The following TYW1B variants were observed in gnomAD, a reference collection of about 807,000 sequenced individuals.
TYW1B encodes the protein tRNA-yW synthesizing protein 1 homolog B, also known as S-adenosyl-L-methionine-dependent tRNA 4-demethylwyosine synthase TYW1B.
Under a neutral mutation model 86.9 loss-of-function variants are expected in TYW1B, and 73 were observed. That is an observed-to-expected ratio of 0.84 (90% confidence interval 0.70 to 1.02). TYW1B has a LOEUF of 1.02. Among genes scored for constraint, TYW1B ranks in the 50% least tolerant of loss-of-function variants. The pLI, the probability that TYW1B is intolerant of heterozygous loss-of-function variation, is 0.00. For synonymous variants in TYW1B, 248 were observed against 292.8 expected (o/e 0.85, Z 1.56); for missense variants, 637 against 827.4 (o/e 0.77, Z 2.82).
intron 2 of TYW1B, among the ~76,000 whole-genome samples, chr7:72,825,796 T>C (rs1788919858): frequency 1.3e-5 from 2 of 152,312 alleles, no homozygotes; most frequent in South Asian, 4.1e-4. Context: ...GCATCGATAA[T>C]GGACTCACAA....
chr7:72,773,519 T>C (rs553826442), intron 7 of TYW1B, among the ~76,000 whole-genome samples: 6 of 152,234 alleles, frequency 3.9e-5, no homozygotes, highest in South Asian at 2.1e-4. Flanking sequence ...CAGTGGACTC[T>C]TGAGTTTGGA....
chr7:72,735,098 C>CTA (rs1179812737), intron 8 of TYW1B, among the ~76,000 whole-genome samples: 1 of 152,286 alleles, frequency 6.6e-6, no homozygotes, highest in African/African-American at 2.4e-5. Context: ...AACCCCACTA[C>CTA]TGAATATACA....
chr7:72,674,753 TTCTC>T (rs1176744474), intron 11 of TYW1B, among the ~76,000 whole-genome samples: 3 of 110,918 alleles, frequency 2.7e-5, no homozygotes, highest in East Asian at 4.5e-4. Flanking sequence ...AATTTTCCTT[TTCTC>T]TCTTTTTTTT....
chr7:72,648,512 C>T (rs1812986194), intron 11 of TYW1B, among the ~76,000 whole-genome samples: 1 of 148,870 alleles, frequency 6.7e-6, no homozygotes, highest in Non-Finnish European at 1.5e-5. Context: ...CACTGTACTC[C>T]AGCCTGAGCG....
At chr7:72,612,257 C>T (rs1554436053) in intron 13 of TYW1B, among the ~76,000 whole-genome samples, 1 of 152,062 alleles carries the variant, frequency 6.6e-6, no homozygotes, top group Non-Finnish European at 1.5e-5. Context: ...GGTTTAAAAT[C>T]AGTACAGTAA....
intron 11 of TYW1B, among the ~76,000 whole-genome samples, chr7:72,677,994 A>G (rs1305667354): frequency 6.6e-6 from 1 of 151,994 alleles, no homozygotes; most frequent in African/African-American, 2.4e-5. Context: ...GAGCCACCGC[A>G]CCCAGCACCT....
At chr7:72,628,388 G>A (rs1812405257) in intron 12 of TYW1B, among the ~76,000 whole-genome samples, 1 of 152,158 alleles carries the variant, frequency 6.6e-6, no homozygotes, top group Non-Finnish European at 1.5e-5. Context: ...AATTTTGGTG[G>A]TTTGCTTTAA....
chr7:72,640,004 A>G (rs1554441308), intron 11 of TYW1B, among the ~76,000 whole-genome samples: 1 of 152,214 alleles, frequency 6.6e-6, no homozygotes, highest in Admixed American at 6.5e-5. Flanking sequence ...TTATAAAATG[A>G]TATAAACGTT....
At chr7:72,642,416 T>C (rs1563042650) in intron 11 of TYW1B, among the ~76,000 whole-genome samples, 1 of 152,232 alleles carries the variant, frequency 6.6e-6, no homozygotes, top group Non-Finnish European at 1.5e-5. Context: ...ATAGAATTAC[T>C]ATATGACCCA....
intron 7 of TYW1B, among the ~76,000 whole-genome samples, chr7:72,750,763 T>G (rs1039706563): frequency 6.6e-6 from 1 of 152,190 alleles, no homozygotes; most frequent in Non-Finnish European, 1.5e-5. Flanking sequence ...GGACCAGTAG[T>G]GTTTCAGATT....
chr7:72,799,559 A>T (rs1183552353), intron 6 of TYW1B, among the ~76,000 whole-genome samples: 2 of 144,680 alleles, frequency 1.4e-5, no homozygotes, highest in Non-Finnish European at 3.0e-5. Context: ...TCTGCCTCCC[A>T]GGTTCACGCC....
chr7:72,650,377 T>C (rs1474936745), intron 11 of TYW1B, among the ~76,000 whole-genome samples: 1 of 152,020 alleles, frequency 6.6e-6, no homozygotes, highest in Non-Finnish European at 1.5e-5. Flanking sequence ...TGCCTGGGGG[T>C]ACAGCACTCT....
At chr7:72,623,392 C>T (rs1438891900) in intron 12 of TYW1B, among the ~76,000 whole-genome samples, 13 of 152,054 alleles carry the variant, frequency 8.5e-5, no homozygotes, top group African/African-American at 1.9e-4. Context: ...TACCATAATA[C>T]TAAATTTGAA....
At chr7:72,761,323 AAC>A (rs1787681803) in intron 7 of TYW1B, among the ~76,000 whole-genome samples, 1 of 152,282 alleles carries the variant, frequency 6.6e-6, no homozygotes, top group Admixed American at 6.5e-5. Context: ...AAAGGTTACG[AAC>A]AGTTAAAAAT....
chr7:72,631,159 TA>T lies in TYW1B; in HGVS notation c.1507-2163del, dbSNP rs557139689. The stretch of plus-strand genomic sequence containing the variant: ...AGTTAATTAAACACATCCTTAACAT[TA>T]AAAAAAAAAAAATCCACAACATTCT... On this transcript the variant is annotated intron_variant, in intron 11 of 13. Transcript: ENST00000620995. 7.4e-3 allele frequency among the ~76,000 whole-genome samples: 1,058 copies of T among 143,038 alleles called. 6 individuals are homozygous for T. The highest frequency in any genetic ancestry group is 0.017 in the African/African-American group (652 of 39,302). 93.8% of individuals were successfully genotyped at this position (143,038 alleles called of 152,430 possible). A position where few individuals can be genotyped will look rare whatever the true frequency, so the allele number is the denominator to read the frequency against.
At chr7:72,755,316 G>A (rs1264346167) in intron 7 of TYW1B, among the ~76,000 whole-genome samples, 2 of 152,182 alleles carry the variant, frequency 1.3e-5, no homozygotes, top group Non-Finnish European at 2.9e-5. Flanking sequence ...CTACTCAGGA[G>A]GCTGAGTTGG....
chr7:72,713,734 G>A lies in TYW1B; in HGVS notation c.1257C>T (p.Ser419=). Residue 419 remains serine (S), a synonymous_variant, in exon 10 of 14, where the codon TCC becomes TCT. Coordinates refer to ENST00000620995, the MANE Select transcript of TYW1B (RefSeq NM_001145440.3). ...EGMTVKHCAL[S]LVGEPIMYPE... Reference sequence around the variant, plus strand: ...GGTACATTATTGGTTCTCCCACGAGGGACAATGCACAGTGCTTTACCGTCA... The same window carrying A: ...GGTACATTATTGGTTCTCCCACGAGAGACAATGCACAGTGCTTTACCGTCA... 1.2e-6 allele frequency: 2 copies of A among 1,613,080 alleles called. No individual in the cohort carries two copies. Among genetic ancestry groups the A allele is most frequent in the Non-Finnish European group, 1.7e-6 (2 of 1,179,636 alleles).
intron 11 of TYW1B, among the ~76,000 whole-genome samples, chr7:72,637,584 C>A (rs1585866993): frequency 6.6e-6 from 1 of 151,376 alleles, no homozygotes; most frequent in Non-Finnish European, 1.5e-5. Context: ...CCAACTTTCG[C>A]TTTTTTATAA....
chr7:72,579,981 C>G (rs1446969357), intron 13 of TYW1B, among the ~76,000 whole-genome samples: 1 of 152,146 alleles, frequency 6.6e-6, no homozygotes, highest in African/African-American at 2.4e-5. Flanking sequence ...AACACTGATC[C>G]TATTAGATCA....
Sources: allele counts gnomAD v4.1 joint callset (sites outside exome capture counted in the v4.1 genomes callset), GRCh38; gene constraint gnomAD v4.1.1; transcripts MANE v1.5; gene names NCBI Gene and HGNC (gene_info 2026-07-23, HGNC 2026-07-21).